The following FYB2 variants were observed in gnomAD, a reference collection of about 807,000 sequenced individuals.
FYB2 encodes the protein FYN-binding protein 2.
FYB2 carries 103 observed loss-of-function variants against 94.1 expected under a neutral mutation model. The observed-to-expected ratio is 1.09, with a 90% CI of 0.93 to 1.29. The LOEUF (loss-of-function observed/expected upper bound fraction) is 1.29, where lower values mean the gene tolerates loss of function less well. Among genes scored for constraint, FYB2 ranks in the 50% most tolerant of loss-of-function variants. The probability of loss-of-function intolerance (pLI) is 0.00; values close to 1 mark genes in which losing one functional copy is unlikely to be tolerated. For missense variants in FYB2, 896 were observed against 841.5 expected, an observed-to-expected ratio of 1.06 and a Z score of -0.80; for synonymous variants, 293 against 287.9, an observed-to-expected ratio of 1.02 and a Z score of -0.18.
chr1:56,755,856 T>A, intron 7 of FYB2, 40 bp downstream of exon 7: 1 of 1,563,410 alleles, frequency 6.4e-7, no homozygotes, highest in Non-Finnish European at 8.8e-7. Flanking sequence ...AGAAAGTCAG[T>A]GCTTGGACAG....
chr1:56,790,679 A>G (rs1646240523), intron 2 of FYB2, among the ~76,000 whole-genome samples: 1 of 152,180 alleles, frequency 6.6e-6, no homozygotes, highest in Admixed American at 6.5e-5. Flanking sequence ...ACCTTCAGGA[A>G]TTTTTATTCT....
intron 4 of FYB2, among the ~76,000 whole-genome samples, chr1:56,782,785 C>T (rs1366977431): frequency 1.3e-5 from 2 of 152,160 alleles, no homozygotes; most frequent in African/African-American, 4.8e-5. Context: ...AGAAACACTG[C>T]TGTCATCTTC....
chr1:56,759,045 A>T (rs1446643044), intron 5 of FYB2, among the ~76,000 whole-genome samples: 1 of 152,204 alleles, frequency 6.6e-6, no homozygotes, highest in African/African-American at 2.4e-5. Context: ...AAAGCACTAA[A>T]ATTTAGTGGC....
At chr1:56,773,566 T>C in intron 4 of FYB2, among the ~76,000 whole-genome samples, 1 of 152,138 alleles carries the variant, frequency 6.6e-6, no homozygotes, top group East Asian at 1.9e-4. Context: ...TGAATCACAA[T>C]GTGGAAAATG....
At chr1:56,823,105 T>G (rs968144283), upstream of FYB2, among the ~76,000 whole-genome samples, 3 of 152,164 alleles carry the variant, frequency 2.0e-5, no homozygotes, top group African/African-American at 7.2e-5. Flanking sequence ...CTATTCCTCA[T>G]GACAATGTTG....
rs745896135 is a variant in FYB2 at position 56,740,769 on chromosome 1, C to G, written c.1631G>C (p.Arg544Thr). Reference protein sequence around the residue: ...IDLDGKEALKRLQQFFKKEKD... With the variant: ...IDLDGKEALKTLQQFFKKEKD... ...TTCTTTCTTGAAGAATTGCTGCAGT[C>G]TTTTGAGTGCTTCTTTTCCATCTAA... The change falls in exon 13 of 20, where the codon AGA becomes ACA. Residue 544 changes from arginine to threonine, a missense_variant. Coordinates refer to ENST00000343433, the MANE Select transcript of FYB2 (RefSeq NM_001004303.5). 13 of 1,606,142 alleles carry G rather than the reference C, an allele frequency of 8.1e-6. No individual in the cohort carries two copies. The highest frequency in any genetic ancestry group is 1.1e-5 in the Non-Finnish European group (13 of 1,175,792).
At chr1:56,791,246 A>C (rs1319901143) in intron 2 of FYB2, among the ~76,000 whole-genome samples, 1 of 149,066 alleles carries the variant, frequency 6.7e-6, no homozygotes, top group Non-Finnish European at 1.5e-5. Flanking sequence ...GTAGTAAAAA[A>C]CTACAGTCCT....
At position 56,788,980 on chromosome 1, in the gene FYB2, CT is replaced by C. The variant is rs1261550614; in HGVS notation, c.911del (p.Gln304ArgfsTer4). 4 of 1,613,950 alleles carry C rather than the reference CT, an allele frequency of 2.5e-6. No individual in the cohort carries two copies. Among genetic ancestry groups the C allele is most frequent in the Non-Finnish European group, 3.4e-6 (4 of 1,179,978 alleles). Reference protein sequence around the residue: ...QRQPAAVPKTQGEVTVEEGSL... With the variant: ...QRQPAAVPKTXGEVTVEEGSL... ...CCCTGTGCATTTCCTTACCTTCCCCCTGAGTCTTGGGAACAGCAGCTGGCTG... is the reference window on the plus strand; with the variant it reads ...CCCTGTGCATTTCCTTACCTTCCCCCGAGTCTTGGGAACAGCAGCTGGCTG... On this transcript the variant is annotated frameshift_variant, in exon 3 of 20. Transcript: ENST00000343433. LOFTEE classifies it high-confidence loss of function.
chr1:56,789,781 C>T (rs1646219996), intron 2 of FYB2, among the ~76,000 whole-genome samples: 1 of 152,140 alleles, frequency 6.6e-6, no homozygotes, highest in Admixed American at 6.5e-5. Context: ...TTGTATTGAT[C>T]CCCCAGCACC....
chr1:56,758,590 A>T, intron 6 of FYB2, 126 bp downstream of exon 6: 1 of 734,390 alleles, frequency 1.4e-6, no homozygotes, highest in Non-Finnish European at 2.1e-6. Flanking sequence ...GAGTCTGGAA[A>T]ATCCTCAGAA....
the FYB2 span, among the ~76,000 whole-genome samples, chr1:56,825,813 C>A: frequency 6.6e-6 from 1 of 152,148 alleles, no homozygotes; most frequent in African/African-American, 2.4e-5. Context: ...CCCACAAAAC[C>A]AACTACCTGC....
chr1:56,790,666 C>T (rs1470944263), intron 2 of FYB2, among the ~76,000 whole-genome samples: 2 of 152,228 alleles, frequency 1.3e-5, no homozygotes, highest in Non-Finnish European at 1.5e-5. Flanking sequence ...CATGTATATT[C>T]CTACCTTCAG....
intron 1 of FYB2, among the ~76,000 whole-genome samples, chr1:56,796,719 T>G (rs1646408663): frequency 6.6e-6 from 1 of 152,146 alleles, no homozygotes; most frequent in Non-Finnish European, 1.5e-5. Context: ...CCCAACATGC[T>G]TTCTTCCTTC....
At chr1:56,786,248 A>T (rs1305958242) in intron 4 of FYB2, among the ~76,000 whole-genome samples, 2 of 152,154 alleles carry the variant, frequency 1.3e-5, no homozygotes, top group African/African-American at 4.8e-5. Flanking sequence ...GATCAGCTGT[A>T]CTCCACAGAC....
intron 4 of FYB2, among the ~76,000 whole-genome samples, chr1:56,782,445 T>C (rs918810072): frequency 2.0e-5 from 3 of 152,006 alleles, no homozygotes; most frequent in Non-Finnish European, 4.4e-5. Context: ...ATTCCTCACT[T>C]CCACAGGATC....
rs1431233823 is a variant in FYB2, at chr1:56,805,390, G to T, written c.10-12587C>A. 2.0e-5 allele frequency among the ~76,000 whole-genome samples: 3 copies of T among 152,218 alleles called. No homozygotes were observed. In the East Asian group the frequency reaches 5.8e-4, roughly 29 times the overall value. ...GGAGTAATTCTTGATAAAAGAAAAT[G>T]AAAGGTGCTTATTATGTTAATGCAT... On this transcript the variant is annotated intron_variant, in intron 1 of 19. Coordinates refer to ENST00000343433, the MANE Select transcript of FYB2 (RefSeq NM_001004303.5).
At chr1:56,721,532 A>G (rs956161013) in intron 17 of FYB2, among the ~76,000 whole-genome samples, 1 of 152,006 alleles carries the variant, frequency 6.6e-6, no homozygotes, top group African/African-American at 2.4e-5. Context: ...CTGTGAATTC[A>G]TAGTGATTTC....
At chr1:56,723,538 A>G in intron 17 of FYB2, 50 bp downstream of exon 17, 1 of 1,087,158 alleles carries the variant, frequency 9.2e-7, no homozygotes, top group South Asian at 1.6e-5. Flanking sequence ...TTTAAATGAA[A>G]GCTCCTAGCT....
upstream of FYB2, among the ~76,000 whole-genome samples, chr1:56,822,430 A>T (rs1029917309): frequency 6.6e-6 from 1 of 152,248 alleles, no homozygotes; most frequent in Non-Finnish European, 1.5e-5. Context: ...AGCTTAGCAG[A>T]TACTTAGGCT....
Sources: allele counts gnomAD v4.1 joint callset (sites outside exome capture counted in the v4.1 genomes callset), GRCh38; gene constraint gnomAD v4.1.1; transcripts MANE v1.5; gene names NCBI Gene and HGNC (gene_info 2026-07-23, HGNC 2026-07-21).